Variants in TTYH2 observed in about 807,000 individuals in gnomAD.
The protein encoded by TTYH2 is tweety family member 2.
In TTYH2, 49 loss-of-function variants were observed where a neutral mutation model predicts 68.3. The observed-to-expected ratio is 0.72, with a 90% confidence interval of 0.57 to 0.91. The LOEUF is 0.91. Ranked by LOEUF, TTYH2 falls within the 40% of genes least tolerant of loss-of-function variation. TTYH2 has a pLI of 0.00. For missense variants in TTYH2, 631 were observed against 700.4 expected (o/e 0.90, Z 1.12); for synonymous variants, 272 against 300.8 (o/e 0.90, Z 0.99).
chr17:74,227,762 T>TG (rs993087680), intron 2 of TTYH2, among the ~76,000 whole-genome samples: 8 of 125,800 alleles, frequency 6.4e-5, no homozygotes, highest in African/African-American at 3.1e-4. Context: ...TTTTTTTTTG[T>TG]TTTTTTTTTA....
rs1453861688 is a variant in TTYH2 at position 74,260,254 on chromosome 17, A to C, written c.*45A>C. 3.8e-6 allele frequency: 6 copies of C among 1,574,586 alleles called. No individual in the cohort carries two copies. Among genetic ancestry groups the C allele is most frequent in the Non-Finnish European group, 5.2e-6 (6 of 1,145,644 alleles). ...GCCTCCTTTTTCCGTTCTGGTTTTT[A>C]ATTAGTGCAAATACAAGCTGCGTTT... On this transcript the variant is annotated 3_prime_UTR_variant, in exon 14 of 14. Transcript: ENST00000269346.
intron 4 of TTYH2, among the ~76,000 whole-genome samples, chr17:74,242,518 G>A (rs1389967202): frequency 2.6e-5 from 4 of 152,038 alleles, no homozygotes; most frequent in African/African-American, 7.2e-5. Flanking sequence ...TCAGCCTCCC[G>A]AGTAGCTGGG....
rs753321392 is a variant in TTYH2 at position 74,253,809 on chromosome 17, C to T, written c.1500C>T (p.Ile500=). 11 of 1,614,096 alleles carry T rather than the reference C, an allele frequency of 6.8e-6. No individual in the cohort carries two copies. Among genetic ancestry groups the T allele is most frequent in the African/African-American group, 5.3e-5 (4 of 74,942 alleles). ...RNPRYENVPL[I]GRASPPPTYS... is the part of the protein sequence containing the mutation. The stretch of plus-strand genomic sequence containing the variant: ...CACGCTACGAGAACGTGCCACTAAT[C>T]GGGAGAGCCTCCCCTCCGCCTACGG... Residue 500 remains isoleucine (I), a synonymous_variant, in exon 13 of 14, where the codon ATC becomes ATT. Coordinates refer to ENST00000269346, the MANE Select transcript of TTYH2 (RefSeq NM_032646.6).
rs2050530504 is a variant in TTYH2, at chr17:74,244,059, G to A, written c.804+10G>A. On this transcript the variant is annotated intron_variant, in intron 6 of 13. Coordinates refer to ENST00000269346, the MANE Select transcript of TTYH2 (RefSeq NM_032646.6). ...TGGCTCTGCGGCAGTGGTGAGTTGGGGGAGGGAGTGGGTGGTGGGTGGTGG... is the reference window on the plus strand; with the variant it reads ...TGGCTCTGCGGCAGTGGTGAGTTGGAGGAGGGAGTGGGTGGTGGGTGGTGG... 2 of 1,609,406 alleles carry A rather than the reference G, an allele frequency of 1.2e-6. No homozygotes were observed. The highest frequency in any genetic ancestry group is 2.2e-5 in the South Asian group (2 of 90,958).
chr17:74,235,269 C>T (rs145762606), intron 3 of TTYH2, among the ~76,000 whole-genome samples: 1 of 152,322 alleles, frequency 6.6e-6, no homozygotes, highest in Non-Finnish European at 1.5e-5. Flanking sequence ...ATCGGCCTTG[C>T]TGATCTCACT....
intron 5 of TTYH2, 130 bp downstream of exon 5, chr17:74,243,599 C>T (rs1271769202): frequency 2.5e-5 from 22 of 892,246 alleles, no homozygotes; most frequent in Admixed American, 6.1e-5. Flanking sequence ...CCTTCTGCCC[C>T]GTCCTCAGCA....
At chr17:74,237,609 C>A (rs930917647) in intron 4 of TTYH2, 95 bp downstream of exon 4, 1 of 1,118,766 alleles carries the variant, frequency 8.9e-7, no homozygotes, top group Non-Finnish European at 1.3e-6. Flanking sequence ...TGGAGAAGGG[C>A]CACTGGAAAG....
At chr17:74,259,104 A>C (rs2050721506) in intron 13 of TTYH2, among the ~76,000 whole-genome samples, 1 of 151,980 alleles carries the variant, frequency 6.6e-6, no homozygotes. Context: ...TCAGGCACCT[A>C]CTCTGTACTG....
intron 6 of TTYH2, among the ~76,000 whole-genome samples, chr17:74,245,806 G>A (rs922773629): frequency 6.6e-6 from 1 of 152,232 alleles, no homozygotes; most frequent in African/African-American, 2.4e-5. Context: ...GAGAGCTTTT[G>A]TGTGGCCTCC....
chr17:74,252,266 C>T lies in TTYH2; in HGVS notation c.1149C>T (p.Tyr383=), dbSNP rs375601995. 9.3e-6 allele frequency: 15 copies of T among 1,613,518 alleles called. No individual in the cohort carries two copies. The highest frequency in any genetic ancestry group is 8.3e-5 in the Admixed American group (5 of 60,030). Residue 383 remains tyrosine, a synonymous_variant, in exon 11 of 14, where the codon TAC becomes TAT. Coordinates refer to ENST00000269346, the MANE Select transcript of TTYH2 (RefSeq NM_032646.6). The part of the protein sequence containing the change: ...DYLDALAGIC[Y]DGLQGLLYLG... ...TGGACGCTCTTGCTGGCATCTGCTA[C>T]GACGGCCTCCAGGGCTTGCTGTACC...
rs189997922 is a variant in TTYH2 at position 74,214,683 on chromosome 17, C to A, written c.129+967C>A. ...CGCCTGCTCTGGCCCCGGGAGCCCA[C>A]CTGTATCAGTTCCTTGTGTTGGGTC... On this transcript the variant is annotated intron_variant, in intron 1 of 13. Transcript: ENST00000269346. The surrounding 1 kb of genome is among the most constrained non-coding windows in gnomAD (Gnocchi z 4.6). Among the ~76,000 whole-genome samples the A allele has an allele frequency of 0.011, 1,655 of 152,304 alleles. 15 individuals are homozygous for A. The highest frequency in any genetic ancestry group is 0.017 in the Non-Finnish European group (1,127 of 68,026).
rs1023583780 is a variant in TTYH2 at position 74,215,763 on chromosome 17, C to T, written c.129+2047C>T. Reference sequence around the variant, plus strand: ...GTCTCTCCTGGATGTCTTCTTTCCTCCTGAGCACCAGTCACTAACAGAGTC... The same window carrying T: ...GTCTCTCCTGGATGTCTTCTTTCCTTCTGAGCACCAGTCACTAACAGAGTC... On this transcript the variant is annotated intron_variant, in intron 1 of 13. Coordinates refer to ENST00000269346, the MANE Select transcript of TTYH2 (RefSeq NM_032646.6). The surrounding 1 kb of genome is among the most constrained non-coding windows in gnomAD (Gnocchi z 4.3). 2.7e-6 allele frequency: 4 copies of T among 1,505,710 alleles called. No homozygotes were observed. The highest frequency in any genetic ancestry group is 2.0e-5 in the Admixed American group (1 of 50,926). 93.3% of individuals were successfully genotyped at this position (1,505,710 alleles called of 1,614,324 possible).
chr17:74,256,827 T>G (rs2050697885), intron 13 of TTYH2: 1 of 152,248 alleles, frequency 6.6e-6, no homozygotes, highest in South Asian at 2.1e-4. Context: ...CTTTGCATTT[T>G]CAGTAGAGAC....
At chr17:74,231,031 G>A (rs1338680262) in intron 3 of TTYH2, 32 bp downstream of exon 3, 3 of 1,599,886 alleles carry the variant, frequency 1.9e-6, no homozygotes, top group South Asian at 1.1e-5. Flanking sequence ...CCGGGTACAG[G>A]CACAGCCCAC....
chr17:74,248,912 A>AGCTCAAGGGGCTGGGGTGATGG, intron 6 of TTYH2, 99 bp from the exon 7 acceptor site: 2 of 1,578,834 alleles, frequency 1.3e-6, no homozygotes, highest in Admixed American at 1.7e-5. Context: ...CCTGGGAGGG[A>AGCTCAAGGGGCTGGGGTGATGG]GCTCAAGGGG....
chr17:74,258,468 T>C (rs2050714903), intron 13 of TTYH2, among the ~76,000 whole-genome samples: 1 of 152,072 alleles, frequency 6.6e-6, no homozygotes, highest in Non-Finnish European at 1.5e-5. Context: ...GGTTTCACCA[T>C]GTTGGCCAGG....
At chr17:74,238,062 G>A (rs55901370) in intron 4 of TTYH2, among the ~76,000 whole-genome samples, 1 of 152,110 alleles carries the variant, frequency 6.6e-6, no homozygotes, top group Non-Finnish European at 1.5e-5. Flanking sequence ...ACAGGGATGT[G>A]CTCACACTCC....
chr17:74,222,701 T>A lies in TTYH2; in HGVS notation c.302+44T>A, dbSNP rs1300605175. 6.4e-7 allele frequency: 1 copy of A among 1,569,452 alleles called. No homozygotes were observed. Among genetic ancestry groups the A allele is most frequent in the South Asian group, 1.2e-5 (1 of 86,488 alleles). Reference sequence around the variant, plus strand: ...TGGGCTTGGGGTGTGTGACTCAGTCTGCAAGGGGCCAGGGACTGTTTGACC... The same window carrying A: ...TGGGCTTGGGGTGTGTGACTCAGTCAGCAAGGGGCCAGGGACTGTTTGACC... On this transcript the variant is annotated intron_variant, in intron 2 of 13. Transcript: ENST00000269346. The surrounding 1 kb of genome is among the most constrained non-coding windows in gnomAD (Gnocchi z 5.2).
intron 2 of TTYH2, 32 bp from the exon 3 acceptor site, chr17:74,230,856 C>A: frequency 1.2e-6 from 2 of 1,607,820 alleles, no homozygotes; most frequent in Non-Finnish European, 1.7e-6. Context: ...CTGTGTATCA[C>A]CTCTAACCTC....
Sources: allele counts gnomAD v4.1 joint callset (sites outside exome capture counted in the v4.1 genomes callset), GRCh38; gene constraint gnomAD v4.1.1; non-coding constraint Gnocchi (gnomAD v3.1); transcripts MANE v1.5; gene names NCBI Gene and HGNC (gene_info 2026-07-23, HGNC 2026-07-21).